Variants in DSCAM observed in about 807,000 individuals in gnomAD.
DSCAM encodes the protein DS cell adhesion molecule.
A neutral mutation model predicts 217.7 loss-of-function variants in DSCAM; 47 were observed. The observed-to-expected ratio is 0.22, with a 90% CI of 0.17 to 0.28. The LOEUF is 0.28. Among genes scored for constraint, DSCAM ranks in the 10% least tolerant of loss-of-function variants. DSCAM has a pLI of 1.00. For missense variants in DSCAM, 2,080 were observed against 2,618.3 expected, an observed-to-expected ratio of 0.79 and a Z score of 4.49; for synonymous variants, 1,056 against 1,015.3, an observed-to-expected ratio of 1.04 and a Z score of -0.76.
chr21:40,161,278 T>A (rs1000212456), intron 16 of DSCAM, among the ~76,000 whole-genome samples: 3 of 152,108 alleles, frequency 2.0e-5, no homozygotes, highest in Non-Finnish European at 2.9e-5. Flanking sequence ...ACCCAATGTA[T>A]AGACGGAGAG....
At chr21:40,318,024 A>G (rs988214799) in intron 8 of DSCAM, among the ~76,000 whole-genome samples, 2 of 152,062 alleles carry the variant, frequency 1.3e-5, no homozygotes, top group African/African-American at 2.4e-5. Flanking sequence ...TTATGGCTGT[A>G]TAGTATTCCA....
chr21:40,082,331 G>A (rs10222092), intron 24 of DSCAM, among the ~76,000 whole-genome samples: 41 of 152,136 alleles, frequency 2.7e-4, no homozygotes, highest in African/African-American at 9.9e-4. Context: ...GTGGTGACAC[G>A]TGCCTGTAGT....
At chr21:40,014,439 A>G (rs1476369953) in intron 32 of DSCAM, among the ~76,000 whole-genome samples, 1 of 151,970 alleles carries the variant, frequency 6.6e-6, no homozygotes, top group Non-Finnish European at 1.5e-5. Context: ...CCAAAACAAA[A>G]AAACCAAGAG....
chr21:40,663,869 CT>C (rs1185767237), intron 3 of DSCAM, among the ~76,000 whole-genome samples: 1 of 151,990 alleles, frequency 6.6e-6, no homozygotes, highest in Admixed American at 6.5e-5. Context: ...GCCAATAAGA[CT>C]TTTTTTTGAT....
intron 3 of DSCAM, among the ~76,000 whole-genome samples, chr21:40,528,467 G>A (rs1247317579): frequency 6.6e-6 from 1 of 152,142 alleles, no homozygotes; most frequent in South Asian, 2.1e-4. Context: ...CCATTGCCCT[G>A]AATTTTCTAG....
At chr21:40,303,226 C>T (rs1418678309) in intron 9 of DSCAM, among the ~76,000 whole-genome samples, 1 of 152,098 alleles carries the variant, frequency 6.6e-6, no homozygotes, top group Non-Finnish European at 1.5e-5. Context: ...GATGGCCTGG[C>T]CTCTGCTTAT....
chr21:40,348,292 G>T (rs112659387), intron 5 of DSCAM, among the ~76,000 whole-genome samples: 1 of 119,020 alleles, frequency 8.4e-6, no homozygotes, highest in Non-Finnish European at 1.8e-5. Context: ...ATACCCCAGA[G>T]AGTTCCTATC....
At chr21:40,830,762 T>G (rs935164877) in intron 1 of DSCAM, among the ~76,000 whole-genome samples, 1 of 152,232 alleles carries the variant, frequency 6.6e-6, no homozygotes, top group East Asian at 1.9e-4. Flanking sequence ...TAGCACAGTT[T>G]CTGGCACACA....
In DSCAM at chr21:40,164,727, G is replaced by A. The variant is rs532321615; in HGVS notation, c.3018+2491C>T. Reference sequence around the variant, plus strand: ...TGAGGCAGGAGAATTGCTTGAACTCGGGAGACACAGGTTGCACTGAGCAAA... The same window carrying A: ...TGAGGCAGGAGAATTGCTTGAACTCAGGAGACACAGGTTGCACTGAGCAAA... On this transcript the variant is annotated intron_variant, in intron 16 of 32. Coordinates refer to ENST00000400454, the MANE Select transcript of DSCAM (RefSeq NM_001389.5). Among the ~76,000 whole-genome samples the A allele has an allele frequency of 6.0e-4, 92 of 152,178 alleles. 1 individual carries two copies. Among genetic ancestry groups the A allele is most frequent in the Middle Eastern group, 3.4e-3 (1 of 294 alleles).
intron 15 of DSCAM, among the ~76,000 whole-genome samples, chr21:40,171,659 AT>A (rs1233348623): frequency 6.6e-6 from 1 of 151,900 alleles, no homozygotes; most frequent in Non-Finnish European, 1.5e-5. Context: ...GTCCAATATC[AT>A]TAGGAAGGTT....
chr21:40,562,702 C>A (rs79713201), intron 3 of DSCAM, among the ~76,000 whole-genome samples: 1 of 152,146 alleles, frequency 6.6e-6, no homozygotes, highest in Admixed American at 6.6e-5. Context: ...TTAAACCAGA[C>A]GCTCTGCTAT....
rs2088084968 is a variant in DSCAM at position 40,012,935 on chromosome 21, TTTTC to T, written c.*95_*98del. 1.1e-6 allele frequency: 1 copy of T among 934,336 alleles called. No homozygotes were observed. The highest frequency in any genetic ancestry group is 1.4e-6 in the Non-Finnish European group (1 of 698,926). The allele number at this position is 934,336 out of a possible 1,614,324, so 57.9% of individuals were successfully genotyped here. ...TTTTTTTTTTAATATATTTTGGCAA[TTTTC>T]TTTAATTATAAATATTGGAATTCCG... On this transcript the variant is annotated 3_prime_UTR_variant, in exon 33 of 33. Coordinates refer to ENST00000400454, the MANE Select transcript of DSCAM (RefSeq NM_001389.5).
At chr21:40,453,075 TGTGTGTGTGTGTGTGTGA>T (rs1213705162) in intron 3 of DSCAM, among the ~76,000 whole-genome samples, 80 of 148,534 alleles carry the variant, frequency 5.4e-4, no homozygotes, top group Middle Eastern at 3.5e-3. Context: ...TGTGTGTGTG[TGTGTGTGTGTGTGTGTGA>T]GATATATGTG....
In DSCAM at chr21:40,026,091, C is replaced by T. The variant is rs565955593; in HGVS notation, c.5687-12705G>A. ...GTTGTGTCTTTGTTCTCGTTGGTTT[C>T]AAAGAACATCTTTATTTCTGGTTTC... On this transcript the variant is annotated intron_variant, in intron 32 of 32. Transcript: ENST00000400454. 1.1e-4 allele frequency among the ~76,000 whole-genome samples: 15 copies of T among 142,164 alleles called. 3 individuals carry two copies. In the South Asian group the frequency reaches 3.9e-3, roughly 37 times the overall value. The allele number at this position is 142,164 out of a possible 152,430, so 93.3% of individuals were successfully genotyped here.
intron 1 of DSCAM, among the ~76,000 whole-genome samples, chr21:40,794,991 C>T (rs1312206805): frequency 6.7e-6 from 1 of 150,348 alleles, no homozygotes; most frequent in African/African-American, 2.4e-5. Context: ...ACTCCTTCTA[C>T]ACAATAAGAT....
At chr21:40,814,553 G>C (rs1309990672) in intron 1 of DSCAM, among the ~76,000 whole-genome samples, 2 of 152,232 alleles carry the variant, frequency 1.3e-5, no homozygotes, top group African/African-American at 2.4e-5. Flanking sequence ...GAAGGGAGCT[G>C]TCTGTCTCTA....
At chr21:40,519,297 T>C (rs1190945813) in intron 3 of DSCAM, among the ~76,000 whole-genome samples, 1 of 152,186 alleles carries the variant, frequency 6.6e-6, no homozygotes, top group African/African-American at 2.4e-5. Context: ...TTTGTAGATA[T>C]GGTTAACATC....
chr21:40,648,975 A>G (rs1430772774), intron 3 of DSCAM, among the ~76,000 whole-genome samples: 4 of 152,156 alleles, frequency 2.6e-5, no homozygotes, highest in Admixed American at 1.3e-4. Flanking sequence ...GGTGCCTCCA[A>G]TGGCAGGCCC....
intron 4 of DSCAM, among the ~76,000 whole-genome samples, chr21:40,360,587 A>T (rs2074751711): frequency 6.6e-6 from 1 of 152,130 alleles, no homozygotes; most frequent in Non-Finnish European, 1.5e-5. Context: ...TTCCTATGTT[A>T]ATTTACTAAG....
Sources: gnomAD v4.1 joint callset for allele counts (sites outside exome capture counted in the v4.1 genomes callset) on GRCh38, gnomAD v4.1.1 for gene constraint, MANE v1.5 for transcripts, NCBI Gene and HGNC (gene_info 2026-07-23, HGNC 2026-07-21) for gene names.